SKIC3: variants seen among roughly 807,000 people sequenced by gnomAD.
The protein encoded by SKIC3 is SKI3 subunit of superkiller complex.
At chr5:95,485,814 A>G in the SKIC3 span, among the ~76,000 whole-genome samples, 6 of 152,196 alleles carry the variant, frequency 3.9e-5, no homozygotes, top group Non-Finnish European at 2.9e-5. Context: ...CAAGTAGATA[A>G]TCACACTTCA....
At chr5:95,513,285 G>C in the SKIC3 span, 1 of 391,224 alleles carries the variant, frequency 2.6e-6, no homozygotes, top group South Asian at 2.6e-5. Flanking sequence ...ATAGCTCACT[G>C]TATCCTGAAA....
At chr5:95,467,115 C>T in the SKIC3 span, among the ~76,000 whole-genome samples, 38,415 of 151,938 alleles carry the variant, frequency 0.25, 6,585 homozygotes, top group African/African-American at 0.48. Flanking sequence ...GTTCGCAACT[C>T]TTTACAAACC....
chr5:95,527,923 A>T, the SKIC3 span: 1 of 1,425,760 alleles, frequency 7.0e-7, no homozygotes. Flanking sequence ...CAAAATCCAT[A>T]TAAGTAAATT....
the SKIC3 span, among the ~76,000 whole-genome samples, chr5:95,544,834 T>G: frequency 3.9e-5 from 6 of 152,118 alleles, no homozygotes; most frequent in Admixed American, 3.3e-4. Flanking sequence ...TGAAAGAACA[T>G]AGAGAAAAAA....
the SKIC3 span, chr5:95,536,739 A>G: frequency 5.8e-6 from 7 of 1,210,042 alleles, no homozygotes; most frequent in Non-Finnish European, 8.6e-6. Context: ...GGTAGACACT[A>G]AAACATTTTT....
At chr5:95,525,505 T>C in the SKIC3 span, 2 of 1,613,930 alleles carry the variant, frequency 1.2e-6, no homozygotes, top group Non-Finnish European at 1.7e-6. Context: ...CCATAATCTA[T>C]AAAGTAGACA....
chr5:95,476,246 G>C, the SKIC3 span, among the ~76,000 whole-genome samples: 2 of 152,088 alleles, frequency 1.3e-5, no homozygotes, highest in East Asian at 1.9e-4. Flanking sequence ...GTTGAATGCC[G>C]CAGCCCTGGG....
At chr5:95,484,915 T>C in the SKIC3 span, 1 of 1,543,112 alleles carries the variant, frequency 6.5e-7, no homozygotes, top group Non-Finnish European at 8.9e-7. Flanking sequence ...AGTAACTGGT[T>C]GCTAAAAAAT....
At chr5:95,525,040 C>T in the SKIC3 span, among the ~76,000 whole-genome samples, 12 of 152,022 alleles carry the variant, frequency 7.9e-5, no homozygotes, top group South Asian at 2.1e-4. Context: ...TGTGCCACCA[C>T]GCCCAGCTAC....
At chr5:95,497,160 T>A in the SKIC3 span, among the ~76,000 whole-genome samples, 3 of 152,332 alleles carry the variant, frequency 2.0e-5, no homozygotes, top group Non-Finnish European at 4.4e-5. Context: ...TTCAAAGAGA[T>A]CTTCATACTT....
chr5:95,474,845 A>C, the SKIC3 span, among the ~76,000 whole-genome samples: 1 of 152,300 alleles, frequency 6.6e-6, no homozygotes, highest in African/African-American at 2.4e-5. Flanking sequence ...TGAATTGATT[A>C]AAAGAACCAC....
chr5:95,554,526 C>A, the SKIC3 span, among the ~76,000 whole-genome samples: 1 of 152,212 alleles, frequency 6.6e-6, no homozygotes, highest in Non-Finnish European at 1.5e-5. Context: ...CCTTTGCTCT[C>A]TGAAGGCAAG....
chr5:95,468,568 C>T, the SKIC3 span, among the ~76,000 whole-genome samples: 1 of 152,144 alleles, frequency 6.6e-6, no homozygotes, highest in Non-Finnish European at 1.5e-5. Context: ...AATTTACTAA[C>T]ATCTATGACT....
the SKIC3 span, chr5:95,541,299 A>G: frequency 1.2e-5 from 19 of 1,613,306 alleles, no homozygotes; most frequent in Non-Finnish European, 1.6e-5. Context: ...AAAATCATTC[A>G]CCAACCTCTA....
the SKIC3 span, among the ~76,000 whole-genome samples, chr5:95,501,519 T>A: frequency 6.6e-6 from 1 of 151,942 alleles, no homozygotes; most frequent in African/African-American, 2.4e-5. Flanking sequence ...TCAAACAAAA[T>A]AATGCCAATG....
the SKIC3 span, chr5:95,523,420 C>G: frequency 1.4e-6 from 2 of 1,403,384 alleles, no homozygotes; most frequent in Non-Finnish European, 1.9e-6. Flanking sequence ...TCATTTCTCA[C>G]TTCTGATTTT....
the SKIC3 span, among the ~76,000 whole-genome samples, chr5:95,471,678 T>C: frequency 1.3e-5 from 2 of 152,206 alleles, no homozygotes; most frequent in Non-Finnish European, 2.9e-5. Context: ...TTTTCCCTAG[T>C]ACTGCCAACT....
chr5:95,515,032 T>A, the SKIC3 span: 2 of 1,091,630 alleles, frequency 1.8e-6, no homozygotes, highest in Non-Finnish European at 1.4e-6. Flanking sequence ...TAAATATGTA[T>A]GAACATAAAA....
the SKIC3 span, chr5:95,503,722 C>A: frequency 6.4e-7 from 1 of 1,572,962 alleles, no homozygotes. Flanking sequence ...GCAACCCCCA[C>A]CCCATCTCAT....
Sources: gnomAD v4.1 joint callset for allele counts (sites outside exome capture counted in the v4.1 genomes callset) on GRCh38, gnomAD v4.1.1 for gene constraint, MANE v1.5 for transcripts, NCBI Gene and HGNC (gene_info 2026-07-23, HGNC 2026-07-21) for gene names.